FOS: variants seen among roughly 807,000 people sequenced by gnomAD.
The protein encoded by FOS is protein c-Fos.
FOS carries 9 observed loss-of-function variants against 27.2 expected under a neutral mutation model. That is an observed-to-expected ratio of 0.33 (90% CI 0.20 to 0.58). FOS has a LOEUF of 0.58. Among genes scored for constraint, FOS ranks in the 20% least tolerant of loss-of-function variants. The pLI is 0.87. For missense variants in FOS, 405 were observed against 483.5 expected (o/e 0.84, Z 1.52); for synonymous variants, 213 against 205.1 (o/e 1.04, Z -0.33).
In FOS at chr14:75,278,925, A is replaced by G. The variant is rs1172757241; in HGVS notation, c.-58A>G. On this transcript the variant is annotated 5_prime_UTR_variant, in exon 1 of 4. Transcript: ENST00000303562. The surrounding 1 kb of genome is among the most constrained non-coding windows in gnomAD (Gnocchi z 4.1). ...CCGTGCTCCTACCCAGCTCTGCTCC[A>G]CAGCGCCCACCTGTCTCCGCCCCTC... 1 of 1,604,902 alleles carries G rather than the reference A, an allele frequency of 6.2e-7. No homozygotes were observed.
At position 75,280,942 on chromosome 14, in the gene FOS, C is replaced by T; in HGVS notation, c.661C>T (p.Leu221Phe). The part of the protein sequence containing the change: ...GFPEEMSVAS[L>F]DLTGGLPEVA... ...CCCAGAAGAGATGTCTGTGGCTTCC[C>T]TTGATCTGACTGGGGGCCTGCCAGA... The change falls in exon 4 of 4, where the codon CTT becomes TTT. Residue 221 changes from leucine (L) to phenylalanine (F), a missense_variant. Coordinates refer to ENST00000303562, the MANE Select transcript of FOS (RefSeq NM_005252.4). The T allele has an allele frequency of 1.2e-6, 2 of 1,614,226 alleles. No individual in the cohort carries two copies. Among genetic ancestry groups the T allele is most frequent in the East Asian group, 2.2e-5 (1 of 44,888 alleles).
Position 75,280,680 on chromosome 14 carries a change from T to C in FOS, c.501+13T>C. The C allele has an allele frequency of 1.9e-6, 3 of 1,590,272 alleles. No individual in the cohort carries two copies. Among genetic ancestry groups the C allele is most frequent in the South Asian group, 1.1e-5 (1 of 90,376 alleles). On this transcript the variant is annotated intron_variant, in intron 3 of 3. Coordinates refer to ENST00000303562, the MANE Select transcript of FOS (RefSeq NM_005252.4). ...TACACTCCAAGCGGTAGGTACTCTG[T>C]GGGTTGCTCCTTTTTAAAACTTAAG...
rs756433063 is a variant in FOS at position 75,278,979 on chromosome 14, C to T, written c.-4C>T. 64 of 1,613,462 alleles carry T rather than the reference C, an allele frequency of 4.0e-5. No individual in the cohort carries two copies. Among genetic ancestry groups the T allele is most frequent in the Non-Finnish European group, 5.2e-5 (61 of 1,179,912 alleles). ...CCCTCGCCCGGCTTTGCCTAACCGC[C>T]ACGATGATGTTCTCGGGCTTCAACG... is the stretch of plus-strand genomic sequence containing the variant. On this transcript the variant is annotated 5_prime_UTR_variant, in exon 1 of 4. Coordinates refer to ENST00000303562, the MANE Select transcript of FOS (RefSeq NM_005252.4). The surrounding 1 kb of genome is among the most constrained non-coding windows in gnomAD (Gnocchi z 4.1).
Position 75,280,928 on chromosome 14 carries a change from T to C in FOS, c.647T>C (p.Met216Thr). The change falls in exon 4 of 4, where the codon ATG becomes ACG. Residue 216 changes from methionine (M) to threonine (T), a missense_variant. Coordinates refer to ENST00000303562, the MANE Select transcript of FOS (RefSeq NM_005252.4). ...GATGACCTGGGCTTCCCAGAAGAGA[T>C]GTCTGTGGCTTCCCTTGATCTGACT... is the stretch of plus-strand genomic sequence containing the variant. ...IPDDLGFPEE[M>T]SVASLDLTGG... 1.2e-6 allele frequency: 2 copies of C among 1,614,154 alleles called. No homozygotes were observed. Among genetic ancestry groups the C allele is most frequent in the Non-Finnish European group, 1.7e-6 (2 of 1,180,020 alleles).
chr14:75,281,594 A>C lies in FOS; in HGVS notation c.*170A>C, dbSNP rs1897231067. Reference sequence around the variant, plus strand: ...GGGCCTCAAGGACTTGAAAGCATCCATGTGTGGACTCAAGTCCTTACCTCT... The same window carrying C: ...GGGCCTCAAGGACTTGAAAGCATCCCTGTGTGGACTCAAGTCCTTACCTCT... On this transcript the variant is annotated 3_prime_UTR_variant, in exon 4 of 4. Coordinates refer to ENST00000303562, the MANE Select transcript of FOS (RefSeq NM_005252.4). This position sits in a 1 kb window ranked among gnomAD's most constrained non-coding sequence, Gnocchi z 4.7. 4.3e-6 allele frequency: 3 copies of C among 691,752 alleles called. No homozygotes were observed. In the Admixed American group the frequency reaches 8.8e-5, roughly 20 times the overall value. 42.9% of individuals were successfully genotyped at this position (691,752 alleles called of 1,614,324 possible).
chr14:75,279,260 G>A lies in FOS; in HGVS notation c.141+137G>A. On this transcript the variant is annotated intron_variant, in intron 1 of 3. Transcript: ENST00000303562. This position sits in a 1 kb window ranked among gnomAD's most constrained non-coding sequence, Gnocchi z 5.4. Reference sequence around the variant, plus strand: ...AGGCTGCCGTGGCCGGAGCGGTGCCGGCTCGGGGGCTCGGGACTTGCTCTG... The same window carrying A: ...AGGCTGCCGTGGCCGGAGCGGTGCCAGCTCGGGGGCTCGGGACTTGCTCTG... The A allele has an allele frequency of 1.8e-6, 2 of 1,088,968 alleles. No homozygotes were observed. Among genetic ancestry groups the A allele is most frequent in the Admixed American group, 2.6e-5 (1 of 39,056 alleles). The allele number at this position is 1,088,968 out of a possible 1,614,324, so 67.5% of individuals were successfully genotyped here.
In FOS at chr14:75,281,470, C is replaced by T. The variant is rs760395269; in HGVS notation, c.*46C>T. ...AGCCGGCACCCACAAGTGCCACTGC[C>T]CGAGCTGGTGCATTACAGAGAGGAG... On this transcript the variant is annotated 3_prime_UTR_variant, in exon 4 of 4. Coordinates refer to ENST00000303562, the MANE Select transcript of FOS (RefSeq NM_005252.4). The surrounding 1 kb of genome is among the most constrained non-coding windows in gnomAD (Gnocchi z 4.7). The T allele has an allele frequency of 1.9e-6, 3 of 1,585,552 alleles. No homozygotes were observed. Among genetic ancestry groups the T allele is most frequent in the Non-Finnish European group, 2.6e-6 (3 of 1,167,720 alleles).
intron 3 of FOS, 37 bp downstream of exon 3, chr14:75,280,704 AG>A (rs3216792): frequency 0.73 from 1,170,121 of 1,610,098 alleles, 428,895 homozygotes; most frequent in African/African-American, 0.89. Context: ...TTAAAACTTA[AG>A]GGGAAAGTTG....
rs147808437 is a variant in FOS at position 75,280,562 on chromosome 14, A to G, written c.396A>G (p.Leu132=). ...GTCTTTTTTTGTGATTATTCTAGTT[A>G]TCTCCAGAAGAAGAAGAGAAAAGGA... ...SIGRRGKVEQ[L]SPEEEEKRRI... is the part of the protein sequence containing the mutation. The change falls in exon 3 of 4, where the codon TTA becomes TTG. Residue 132 remains leucine (L), a splice_region_variant and synonymous_variant. Coordinates refer to ENST00000303562, the MANE Select transcript of FOS (RefSeq NM_005252.4). 40 of 1,611,442 alleles carry G rather than the reference A, an allele frequency of 2.5e-5. No individual in the cohort carries two copies. Among genetic ancestry groups the G allele is most frequent in the Admixed American group, 5.0e-5 (3 of 59,734 alleles).
chr14:75,279,334 C>A lies in FOS; in HGVS notation c.141+211C>A. 1.5e-6 allele frequency: 1 copy of A among 649,964 alleles called. No homozygotes were observed. The highest frequency in any genetic ancestry group is 2.6e-6 in the Non-Finnish European group (1 of 383,084). 40.3% of individuals were successfully genotyped at this position (649,964 alleles called of 1,614,324 possible). A position where few individuals can be genotyped will look rare whatever the true frequency, so the allele number is the denominator to read the frequency against. On this transcript the variant is annotated intron_variant, in intron 1 of 3. Coordinates refer to ENST00000303562, the MANE Select transcript of FOS (RefSeq NM_005252.4). The surrounding 1 kb of genome is among the most constrained non-coding windows in gnomAD (Gnocchi z 5.4). ...AAGAATTGGTTCCCCCTTCGGGAGG[C>A]AGGTTCGTTCTGAGCAACCTCTGGT...
Position 75,279,159 on chromosome 14 carries a change from C to G in FOS, c.141+36C>G, listed in dbSNP as rs773448105. ...CTTCCCGTCGCCGCGGGGCCGGGGGCTTGGGGTCGCGGAGGAGGAGACACC... is the reference window on the plus strand; with the variant it reads ...CTTCCCGTCGCCGCGGGGCCGGGGGGTTGGGGTCGCGGAGGAGGAGACACC... On this transcript the variant is annotated intron_variant, in intron 1 of 3. Coordinates refer to ENST00000303562, the MANE Select transcript of FOS (RefSeq NM_005252.4). The surrounding 1 kb of genome is among the most constrained non-coding windows in gnomAD (Gnocchi z 5.4). The G allele has an allele frequency of 6.2e-7, 1 of 1,608,640 alleles. No homozygotes were observed. Among genetic ancestry groups the G allele is most frequent in the Non-Finnish European group, 8.5e-7 (1 of 1,179,600 alleles).
Position 75,278,909 on chromosome 14 carries a change from T to C in FOS, c.-74T>C, listed in dbSNP as rs1897192843. 1 of 1,580,086 alleles carries C rather than the reference T, an allele frequency of 6.3e-7. No homozygotes were observed. The highest frequency in any genetic ancestry group is 8.6e-7 in the Non-Finnish European group (1 of 1,160,642). ...AGCGAACGAGCAGTGACCGTGCTCC[T>C]ACCCAGCTCTGCTCCACAGCGCCCA... is the stretch of plus-strand genomic sequence containing the variant. On this transcript the variant is annotated 5_prime_UTR_variant, in exon 1 of 4. Coordinates refer to ENST00000303562, the MANE Select transcript of FOS (RefSeq NM_005252.4). The surrounding 1 kb of genome is among the most constrained non-coding windows in gnomAD (Gnocchi z 4.1).
At position 75,280,512 on chromosome 14, in the gene FOS, T is replaced by C. The variant is rs1202051338; in HGVS notation, c.394-48T>C. ...TACTGGGGTGGGTGAATGGAGGTGA[T>C]GGCAGACACTTTTACTGAATGTCGG... On this transcript the variant is annotated intron_variant, in intron 2 of 3. Transcript: ENST00000303562. 14 of 1,464,212 alleles carry C rather than the reference T, an allele frequency of 9.6e-6. No homozygotes were observed. In the African/African-American group the frequency reaches 1.4e-4, roughly 15 times the overall value. The allele number at this position is 1,464,212 out of a possible 1,614,324, so 90.7% of individuals were successfully genotyped here. A position where few individuals can be genotyped will look rare whatever the true frequency, so the allele number is the denominator to read the frequency against.
Position 75,279,176 on chromosome 14 carries a change from G to A in FOS, c.141+53G>A. 6.2e-7 allele frequency: 1 copy of A among 1,604,436 alleles called. No homozygotes were observed. Among genetic ancestry groups the A allele is most frequent in the Non-Finnish European group, 8.5e-7 (1 of 1,178,926 alleles). On this transcript the variant is annotated intron_variant, in intron 1 of 3. Coordinates refer to ENST00000303562, the MANE Select transcript of FOS (RefSeq NM_005252.4). The surrounding 1 kb of genome is among the most constrained non-coding windows in gnomAD (Gnocchi z 5.4). ...GCCGGGGGCTTGGGGTCGCGGAGGA[G>A]GAGACACCGGGCGGGACGCTCCAGT...
rs1177055053 is a variant in FOS at position 75,281,939 on chromosome 14, T to C, written c.*515T>C. 1 of 161,510 alleles carries C rather than the reference T, an allele frequency of 6.2e-6. No homozygotes were observed. The highest frequency in any genetic ancestry group is 1.4e-5 in the Non-Finnish European group (1 of 72,144). The allele number at this position is 161,510 out of a possible 1,614,324, so 10.0% of individuals were successfully genotyped here. On this transcript the variant is annotated 3_prime_UTR_variant, in exon 4 of 4. Transcript: ENST00000303562. The surrounding 1 kb of genome is among the most constrained non-coding windows in gnomAD (Gnocchi z 4.7). ...TTTCTGGTAGATAGAAATAAATAGC[T>C]ATATCCATGTACTGTAGTTTTTCTT...
In FOS at chr14:75,279,287, G is replaced by C. The variant is rs1189282390; in HGVS notation, c.141+164G>C. The C allele has an allele frequency of 1.2e-6, 1 of 865,408 alleles. No individual in the cohort carries two copies. The highest frequency in any genetic ancestry group is 1.8e-6 in the Non-Finnish European group (1 of 563,042). The allele number at this position is 865,408 out of a possible 1,614,324, so 53.6% of individuals were successfully genotyped here. On this transcript the variant is annotated intron_variant, in intron 1 of 3. Coordinates refer to ENST00000303562, the MANE Select transcript of FOS (RefSeq NM_005252.4). The surrounding 1 kb of genome is among the most constrained non-coding windows in gnomAD (Gnocchi z 5.4). ...CTCGGGGGCTCGGGACTTGCTCTGA[G>C]CGCACGCACGCTTGCCATAGTAAGA...
rs1188694478 is a variant in FOS at position 75,278,914 on chromosome 14, AG to A, written c.-68del. On this transcript the variant is annotated 5_prime_UTR_variant, in exon 1 of 4. Transcript: ENST00000303562. This position sits in a 1 kb window ranked among gnomAD's most constrained non-coding sequence, Gnocchi z 4.1. ...ACGAGCAGTGACCGTGCTCCTACCC[AG>A]CTCTGCTCCACAGCGCCCACCTGTC... is the stretch of plus-strand genomic sequence containing the variant. 1 of 1,591,274 alleles carries A rather than the reference AG, an allele frequency of 6.3e-7. No homozygotes were observed. The highest frequency in any genetic ancestry group is 8.6e-7 in the Non-Finnish European group (1 of 1,167,940).
chr14:75,281,464 C>T lies in FOS; in HGVS notation c.*40C>T. The stretch of plus-strand genomic sequence containing the variant: ...GGAGGCAGCCGGCACCCACAAGTGC[C>T]ACTGCCCGAGCTGGTGCATTACAGA... On this transcript the variant is annotated 3_prime_UTR_variant, in exon 4 of 4. Transcript: ENST00000303562. The surrounding 1 kb of genome is among the most constrained non-coding windows in gnomAD (Gnocchi z 4.7). 1.3e-6 allele frequency: 2 copies of T among 1,593,510 alleles called. No individual in the cohort carries two copies. Among genetic ancestry groups the T allele is most frequent in the Admixed American group, 3.4e-5 (2 of 59,144 alleles).
In FOS at chr14:75,280,060, G is replaced by A. The variant is rs1455693448; in HGVS notation, c.325G>A (p.Ala109Thr). 8 of 1,614,168 alleles carry A rather than the reference G, an allele frequency of 5.0e-6. No individual in the cohort carries two copies. The highest frequency in any genetic ancestry group is 6.8e-6 in the Non-Finnish European group (8 of 1,180,040). ...PAPSAGAYSR[A>T]GVVKTMTGGR... ...CCCCTCCGCTGGGGCTTACTCCAGG[G>A]CTGGCGTTGTGAAGACCATGACAGG... is the stretch of plus-strand genomic sequence containing the variant. The change falls in exon 2 of 4, where the codon GCT (alanine) becomes ACT (threonine). Residue 109 changes from alanine (A) to threonine (T), a missense_variant. Ala to Thr is a moderately conservative substitution (Grantham distance 58). Coordinates refer to ENST00000303562, the MANE Select transcript of FOS (RefSeq NM_005252.4).
Sources: gnomAD v4.1 joint callset for allele counts on GRCh38, gnomAD v4.1.1 for gene constraint, Gnocchi (gnomAD v3.1) non-coding constraint, MANE v1.5 for transcripts, NCBI Gene and HGNC (gene_info 2026-07-23, HGNC 2026-07-21) for gene names.